TCERG1L: variants seen among roughly 807,000 people sequenced by gnomAD.
TCERG1L encodes transcription elongation regulator 1-like protein.
Under a neutral mutation model 56.3 loss-of-function variants are expected in TCERG1L, and 37 were observed. The ratio of observed to expected loss-of-function variants is 0.66; its 90% CI spans 0.51 to 0.87. The LOEUF (loss-of-function observed/expected upper bound fraction) is 0.87, where lower values mean the gene tolerates loss of function less well. TCERG1L is among the 40% of genes least tolerant of loss of function. The probability of loss-of-function intolerance (pLI) is 0.00; values close to 1 mark genes in which losing one functional copy is unlikely to be tolerated. For missense variants in TCERG1L, 799 were observed against 774.2 expected (o/e 1.03, Z -0.38); for synonymous variants, 324 against 326.3 (o/e 0.99, Z 0.08).
intron 4 of TCERG1L, among the ~76,000 whole-genome samples, chr10:131,204,657 G>A (rs1031072101): frequency 6.6e-6 from 1 of 152,206 alleles, no homozygotes; most frequent in Non-Finnish European, 1.5e-5. Context: ...TCTGTCCAGT[G>A]TCCTTCCACT....
intron 3 of TCERG1L, among the ~76,000 whole-genome samples, chr10:131,290,204 GCCT>G (rs1213759696): frequency 2.0e-5 from 3 of 150,846 alleles, no homozygotes; most frequent in Non-Finnish European, 4.4e-5. Flanking sequence ...GGTGTGCACT[GCCT>G]CCATCTCCTA....
At chr10:131,200,999 C>T (rs751990844) in intron 4 of TCERG1L, among the ~76,000 whole-genome samples, 7 of 152,160 alleles carry the variant, frequency 4.6e-5, no homozygotes, top group East Asian at 1.9e-4. Context: ...TCCCCTCGGG[C>T]GGATACAGAA....
intron 8 of TCERG1L, among the ~76,000 whole-genome samples, chr10:131,122,295 G>C (rs1845522095): frequency 6.6e-6 from 1 of 152,112 alleles, no homozygotes; most frequent in Non-Finnish European, 1.5e-5. Flanking sequence ...CACTCACTGG[G>C]TTCTTAGTTT....
chr10:131,124,520 A>G lies in TCERG1L; in HGVS notation c.1260-7586T>C, dbSNP rs75247463. 9.8e-3 allele frequency among the ~76,000 whole-genome samples: 1,487 copies of G among 152,352 alleles called. 20 individuals are homozygous for G. The highest frequency in any genetic ancestry group is 0.033 in the African/African-American group (1,391 of 41,592). ...TCTACTCTCATTGAACAAAATTGTCAGAAAAATTTATAAAACAAGGTGACT... is the reference window on the plus strand; with the variant it reads ...TCTACTCTCATTGAACAAAATTGTCGGAAAAATTTATAAAACAAGGTGACT... On this transcript the variant is annotated intron_variant, in intron 8 of 11. Coordinates refer to ENST00000368642, the MANE Select transcript of TCERG1L (RefSeq NM_174937.4).
At chr10:131,295,038 T>C (rs911905223) in intron 3 of TCERG1L, among the ~76,000 whole-genome samples, 1 of 152,110 alleles carries the variant, frequency 6.6e-6, no homozygotes, top group African/African-American at 2.4e-5. Flanking sequence ...TTTGTTCTTA[T>C]AGTTTTGCTT....
At chr10:131,132,723 C>T (rs916818325) in intron 8 of TCERG1L, among the ~76,000 whole-genome samples, 1 of 152,216 alleles carries the variant, frequency 6.6e-6, no homozygotes, top group African/African-American at 2.4e-5. Context: ...TGGCCCCCGT[C>T]AGAGGTGCTC....
chr10:131,228,223 C>G (rs370374848), intron 4 of TCERG1L, among the ~76,000 whole-genome samples: 4,540 of 127,124 alleles, frequency 0.036, 63 homozygotes, highest in East Asian at 0.11. Flanking sequence ...GGCATTTCCT[C>G]AAGGCCTCCG....
At chr10:131,242,205 G>A (rs1397989836) in intron 4 of TCERG1L, among the ~76,000 whole-genome samples, 1 of 152,078 alleles carries the variant, frequency 6.6e-6, no homozygotes, top group African/African-American at 2.4e-5. Context: ...CAGAGCAATG[G>A]CACGAAGTTC....
At chr10:131,208,610 G>A (rs34934943) in intron 4 of TCERG1L, among the ~76,000 whole-genome samples, 22,188 of 152,172 alleles carry the variant, frequency 0.15, 1,997 homozygotes, top group African/African-American at 0.26. Context: ...TCTAGGGAGG[G>A]GGAAGCCATT....
intron 4 of TCERG1L, among the ~76,000 whole-genome samples, chr10:131,257,022 A>G (rs1297329372): frequency 4.7e-5 from 7 of 148,306 alleles, no homozygotes; most frequent in African/African-American, 1.8e-4. Context: ...AGAAAGAAAG[A>G]AAGAAAGAAA....
At chr10:131,285,516 G>GGA (rs1846523724) in intron 3 of TCERG1L, among the ~76,000 whole-genome samples, 1 of 28,740 alleles carries the variant, frequency 3.5e-5, no homozygotes, top group African/African-American at 8.5e-5. Context: ...AAGAAAGAAA[G>GGA]AAAGAAAGAG....
At chr10:131,181,568 T>C (rs999730803) in intron 4 of TCERG1L, among the ~76,000 whole-genome samples, 1 of 152,254 alleles carries the variant, frequency 6.6e-6, no homozygotes, top group African/African-American at 2.4e-5. Flanking sequence ...GCAGGGCTCA[T>C]GGAAGTAGAT....
intron 8 of TCERG1L, among the ~76,000 whole-genome samples, chr10:131,121,021 C>T (rs1030059451): frequency 2.0e-5 from 3 of 152,208 alleles, no homozygotes; most frequent in African/African-American, 7.2e-5. Context: ...GGGCTGAAAT[C>T]CACAGTGCAG....
chr10:131,294,236 C>A (rs1846665291), intron 3 of TCERG1L, among the ~76,000 whole-genome samples: 1 of 152,112 alleles, frequency 6.6e-6, no homozygotes, highest in East Asian at 1.9e-4. Flanking sequence ...CACCTCCCTG[C>A]CCCCGAGCTA....
chr10:131,125,679 A>T lies in TCERG1L; in HGVS notation c.1259+8700T>A, dbSNP rs377271415. Among the ~76,000 whole-genome samples the T allele has an allele frequency of 6.6e-5, 10 of 152,326 alleles. No individual in the cohort carries two copies. In the South Asian group the frequency reaches 2.1e-3, roughly 32 times the overall value. On this transcript the variant is annotated intron_variant, in intron 8 of 11. Coordinates refer to ENST00000368642, the MANE Select transcript of TCERG1L (RefSeq NM_174937.4). ...AGGCCCCTGGGTGAGATGGGAGCACAGGGGTGTCGGTTCCGCCAGCTCTGC... is the reference window on the plus strand; with the variant it reads ...AGGCCCCTGGGTGAGATGGGAGCACTGGGGTGTCGGTTCCGCCAGCTCTGC...
chr10:131,128,993 C>G (rs1845591508), intron 8 of TCERG1L, among the ~76,000 whole-genome samples: 1 of 152,174 alleles, frequency 6.6e-6, no homozygotes, highest in South Asian at 2.1e-4. Flanking sequence ...TGATCTATGT[C>G]CAAACCATGC....
intron 7 of TCERG1L, among the ~76,000 whole-genome samples, chr10:131,136,522 T>C (rs1000866044): frequency 1.3e-5 from 2 of 152,024 alleles, no homozygotes; most frequent in African/African-American, 2.4e-5. Flanking sequence ...AGGCTCTCCA[T>C]GTTCAGCCTG....
intron 4 of TCERG1L, among the ~76,000 whole-genome samples, chr10:131,219,823 G>A (rs1845712009): frequency 1.3e-5 from 2 of 152,208 alleles, no homozygotes; most frequent in African/African-American, 2.4e-5. Flanking sequence ...ACTAAGGGAC[G>A]GGAAGGTAAA....
chr10:131,265,108 G>A (rs1005154884), intron 3 of TCERG1L, among the ~76,000 whole-genome samples: 6 of 152,072 alleles, frequency 3.9e-5, no homozygotes, highest in African/African-American at 1.4e-4. Context: ...TTGAAATGAA[G>A]ATGGCCTTTC....
Sources: gnomAD v4.1 joint callset for allele counts (sites outside exome capture counted in the v4.1 genomes callset) on GRCh38, gnomAD v4.1.1 for gene constraint, MANE v1.5 for transcripts, NCBI Gene and HGNC (gene_info 2026-07-23, HGNC 2026-07-21) for gene names.